Variants in EDIL3 observed in about 807,000 individuals in gnomAD.
EDIL3 encodes EGF-like repeat and discoidin I-like domain-containing protein 3.
EDIL3 carries 37 observed loss-of-function variants against 67.4 expected under a neutral mutation model. That is an observed-to-expected ratio of 0.55 (90% CI 0.42 to 0.72). The LOEUF is 0.72. Ranked by LOEUF, EDIL3 falls within the 30% of genes least tolerant of loss-of-function variation. The probability of loss-of-function intolerance (pLI) is 0.00; values close to 1 mark genes in which losing one functional copy is unlikely to be tolerated. For synonymous variants in EDIL3, 195 were observed against 196.3 expected (o/e 0.99, Z 0.05); for missense variants, 527 against 586.3 (o/e 0.90, Z 1.04).
Position 84,298,037 on chromosome 5 carries a change from T to C in EDIL3, c.68-43825A>G, listed in dbSNP as rs534054323. Among the ~76,000 whole-genome samples, 18 of 152,262 alleles carry C rather than the reference T, an allele frequency of 1.2e-4. No individual in the cohort carries two copies. The South Asian group carries it at 3.7e-3, about 32-fold the overall frequency. On this transcript the variant is annotated intron_variant, in intron 1 of 10. Transcript: ENST00000296591. The stretch of plus-strand genomic sequence containing the variant: ...GGACCCCAGACATGTTCCAAGACTC[T>C]TTTACATTATGTCAGACATGCAAGC...
chr5:84,129,194 C>A (rs183332972), intron 5 of EDIL3, among the ~76,000 whole-genome samples: 1 of 152,190 alleles, frequency 6.6e-6, no homozygotes, highest in East Asian at 1.9e-4. Flanking sequence ...ATCCAATTTG[C>A]TTTTGTTATT....
At chr5:84,361,836 T>G (rs555890858) in intron 1 of EDIL3, among the ~76,000 whole-genome samples, 35 of 152,062 alleles carry the variant, frequency 2.3e-4, no homozygotes, top group African/African-American at 8.2e-4. Context: ...AACAAAGTAA[T>G]GTATGAGTAA....
chr5:84,348,787 T>C (rs1280224765), intron 1 of EDIL3, among the ~76,000 whole-genome samples: 1 of 152,130 alleles, frequency 6.6e-6, no homozygotes, highest in Non-Finnish European at 1.5e-5. Flanking sequence ...ATAAGTATCA[T>C]AATATTTTCA....
intron 5 of EDIL3, among the ~76,000 whole-genome samples, chr5:84,116,440 C>T (rs1747666715): frequency 6.6e-6 from 1 of 151,944 alleles, no homozygotes; most frequent in South Asian, 2.1e-4. Flanking sequence ...ATAGGTAATA[C>T]CTGCATAATC....
chr5:84,296,199 C>T (rs572797154), intron 1 of EDIL3, among the ~76,000 whole-genome samples: 4 of 152,142 alleles, frequency 2.6e-5, no homozygotes, highest in Non-Finnish European at 4.4e-5. Context: ...AAAGTCTTTC[C>T]CTCTTTCCTC....
At chr5:84,123,777 C>T (rs1381092272) in intron 5 of EDIL3, among the ~76,000 whole-genome samples, 1 of 151,784 alleles carries the variant, frequency 6.6e-6, no homozygotes, top group Non-Finnish European at 1.5e-5. Flanking sequence ...TATCCAGCTC[C>T]TAAAATTTCA....
At chr5:84,029,368 C>A (rs949432028) in intron 9 of EDIL3, among the ~76,000 whole-genome samples, 51 of 152,266 alleles carry the variant, frequency 3.3e-4, no homozygotes, top group African/African-American at 1.2e-3. Context: ...TTGCCTTCCG[C>A]AACGATTGTG....
At position 84,031,294 on chromosome 5, in the gene EDIL3, A is replaced by C. The variant is rs901711187; in HGVS notation, c.1137+29006T>G. On this transcript the variant is annotated intron_variant, in intron 9 of 10. Coordinates refer to ENST00000296591, the MANE Select transcript of EDIL3 (RefSeq NM_005711.5). Reference sequence around the variant, plus strand: ...TAATACACTAAGCTGATTTTTTAAAATATGAAATAAGTAATTGTTTGACAT... The same window carrying C: ...TAATACACTAAGCTGATTTTTTAAACTATGAAATAAGTAATTGTTTGACAT... Among the ~76,000 whole-genome samples the C allele has an allele frequency of 4.6e-5, 7 of 152,344 alleles. No homozygotes were observed. The South Asian group carries it at 1.4e-3, about 32-fold the overall frequency.
intron 9 of EDIL3, among the ~76,000 whole-genome samples, chr5:84,004,327 A>C (rs1156260771): frequency 1.3e-5 from 2 of 152,152 alleles, no homozygotes; most frequent in African/African-American, 4.8e-5. Context: ...AATGGACCTA[A>C]CAGACAACTG....
chr5:84,299,056 G>A (rs1329455340), intron 1 of EDIL3, among the ~76,000 whole-genome samples: 1 of 152,198 alleles, frequency 6.6e-6, no homozygotes, highest in East Asian at 1.9e-4. Context: ...ACCTGGTGCT[G>A]AGAAATGAAA....
At chr5:84,268,960 T>G (rs376630135) in intron 1 of EDIL3, among the ~76,000 whole-genome samples, 10 of 152,158 alleles carry the variant, frequency 6.6e-5, no homozygotes, top group African/African-American at 2.2e-4. Flanking sequence ...AATCAATTAT[T>G]TTCATTTTAA....
chr5:83,974,037 A>C (rs901248765), intron 9 of EDIL3, among the ~76,000 whole-genome samples: 3 of 151,964 alleles, frequency 2.0e-5, no homozygotes, highest in African/African-American at 7.2e-5. Context: ...TGTTGATATA[A>C]AATTTAACCA....
chr5:84,285,027 C>A (rs2112111597), intron 1 of EDIL3, among the ~76,000 whole-genome samples: 1 of 152,224 alleles, frequency 6.6e-6, no homozygotes, highest in Middle Eastern at 3.4e-3. Context: ...AAGTCAGTAC[C>A]TACAAGAGTG....
chr5:83,998,356 T>C (rs1244496474), intron 9 of EDIL3, among the ~76,000 whole-genome samples: 1 of 152,138 alleles, frequency 6.6e-6, no homozygotes, highest in East Asian at 1.9e-4. Context: ...CTCGCTACGT[T>C]GAAGGGAAAG....
chr5:84,336,618 G>A (rs1746992114), intron 1 of EDIL3, among the ~76,000 whole-genome samples: 1 of 152,080 alleles, frequency 6.6e-6, no homozygotes, highest in African/African-American at 2.4e-5. Context: ...AACTATGACT[G>A]GGAGGAGAAA....
At chr5:84,366,636 T>C (rs1359572621) in intron 1 of EDIL3, among the ~76,000 whole-genome samples, 1 of 152,208 alleles carries the variant, frequency 6.6e-6, no homozygotes, top group Non-Finnish European at 1.5e-5. Context: ...AACTGTTCTA[T>C]TGTATCAGAA....
At chr5:84,189,678 T>C (rs1041833933) in intron 3 of EDIL3, among the ~76,000 whole-genome samples, 2 of 151,940 alleles carry the variant, frequency 1.3e-5, no homozygotes. Context: ...ACTTGCATAA[T>C]GGAAATTCTC....
At chr5:84,286,798 A>C (rs1745814601) in intron 1 of EDIL3, among the ~76,000 whole-genome samples, 1 of 152,142 alleles carries the variant, frequency 6.6e-6, no homozygotes. Context: ...TCAGGTTGGA[A>C]TCAATTAGGC....
Position 84,060,390 on chromosome 5 carries a change from G to T in EDIL3, c.1047C>A (p.Phe349Leu). Residue 349 changes from phenylalanine (F) to leucine (L), a missense_variant, in exon 9 of 11, where the codon TTC (phenylalanine) becomes TTA (leucine). This residue lies in a region of EDIL3 where 494 missense variants were observed against 522.5 expected (regional missense o/e 0.95). Coordinates refer to ENST00000296591, the MANE Select transcript of EDIL3 (RefSeq NM_005711.5). The stretch of plus-strand genomic sequence containing the variant: ...GCCGAGCTTTCCTTGGTTCCCAAGT[G>T]AACATGTCCATGTTGAGCGTTCTGA... ...SIFRTLNMDM[F>L]TWEPRKARLD... The T allele has an allele frequency of 6.2e-7, 1 of 1,613,850 alleles. No homozygotes were observed. The highest frequency in any genetic ancestry group is 8.5e-7 in the Non-Finnish European group (1 of 1,179,846).
Sources: allele counts gnomAD v4.1 joint callset (sites outside exome capture counted in the v4.1 genomes callset), GRCh38; gene constraint gnomAD v4.1.1; regional missense constraint gnomAD v4.1.1; transcripts MANE v1.5; gene names NCBI Gene and HGNC (gene_info 2026-07-23, HGNC 2026-07-21).